The following NIPA2 variants were observed in gnomAD, a reference collection of about 807,000 sequenced individuals.
NIPA2 encodes magnesium transporter NIPA2.
In NIPA2, 11 loss-of-function variants were observed where a neutral mutation model predicts 29.7. The ratio of observed to expected loss-of-function variants is 0.37; its 90% confidence interval spans 0.23 to 0.61. The LOEUF (loss-of-function observed/expected upper bound fraction) is 0.61, where lower values mean the gene tolerates loss of function less well. NIPA2 is among the 20% of genes least tolerant of loss of function. NIPA2 has a pLI of 0.66. For missense variants in NIPA2, 426 were observed against 437.9 expected, an observed-to-expected ratio of 0.97 and a Z score of 0.24; for synonymous variants, 183 against 161.9, an observed-to-expected ratio of 1.13 and a Z score of -0.99.
intron 4 of NIPA2, among the ~76,000 whole-genome samples, chr15:22,852,361 G>A (rs181491065): frequency 1.1e-4 from 17 of 152,066 alleles, no homozygotes; most frequent in African/African-American, 4.1e-4. Flanking sequence ...AGCTACTCAG[G>A]AGGATGAGGC....
chr15:22,844,648 G>C (rs1361713909), intron 2 of NIPA2, among the ~76,000 whole-genome samples: 2 of 152,014 alleles, frequency 1.3e-5, no homozygotes, highest in Non-Finnish European at 2.9e-5. Flanking sequence ...CTGTTGATTT[G>C]AGCAGCTGAG....
rs1040047139 is a variant in NIPA2 at position 22,868,293 on chromosome 15, T to G, written c.*1446T>G. ...TTATATACTGTACCTACATCTGTGC[T>G]TTGTACATAAAAGAACCAGTTTTCT... On this transcript the variant is annotated 3_prime_UTR_variant, in exon 8 of 8. Transcript: ENST00000337451. The G allele has an allele frequency of 6.6e-6, 1 of 152,246 alleles. No homozygotes were observed. The highest frequency in any genetic ancestry group is 2.4e-5 in the African/African-American group (1 of 41,456). 9.4% of individuals were successfully genotyped at this position (152,246 alleles called of 1,614,324 possible).
At position 22,862,713 on chromosome 15, in the gene NIPA2, T is replaced by A. The variant is rs1003150778; in HGVS notation, c.448+1924T>A. On this transcript the variant is annotated intron_variant, in intron 7 of 7. Transcript: ENST00000337451. Reference sequence around the variant, plus strand: ...GTGTTTCTCTTTTGGCTTTTAGGCATTTTTTAATTGAATGCTGGATGTAGG... The same window carrying A: ...GTGTTTCTCTTTTGGCTTTTAGGCAATTTTTAATTGAATGCTGGATGTAGG... Among the ~76,000 whole-genome samples the A allele has an allele frequency of 2.8e-4, 42 of 152,106 alleles. 1 individual carries two copies. The highest frequency in any genetic ancestry group is 8.7e-4 in the African/African-American group (36 of 41,414).
rs561366047 is a variant in NIPA2, at chr15:22,868,076, A to T, written c.*1229A>T. The T allele has an allele frequency of 6.6e-6, 1 of 152,342 alleles. No homozygotes were observed. Among genetic ancestry groups the T allele is most frequent in the East Asian group, 1.9e-4 (1 of 5,188 alleles). The allele number at this position is 152,342 out of a possible 1,614,324, so 9.4% of individuals were successfully genotyped here. On this transcript the variant is annotated 3_prime_UTR_variant, in exon 8 of 8. Coordinates refer to ENST00000337451, the MANE Select transcript of NIPA2 (RefSeq NM_030922.7). ...CCTGGAGGTTACCCAGTGGTGCGCC[A>T]GCGCCAAGCCATCACTCCCCGAGGG...
rs372370777 is a variant in NIPA2, at chr15:22,866,563, C to T, written c.799C>T (p.Leu267Phe). 1.5e-5 allele frequency: 24 copies of T among 1,613,948 alleles called. No individual in the cohort carries two copies. Among genetic ancestry groups the T allele is most frequent in the Non-Finnish European group, 2.0e-5 (24 of 1,179,958 alleles). The change falls in exon 8 of 8, where the codon CTT becomes TTT. Residue 267 changes from leucine (L) to phenylalanine (F), a missense_variant. By Grantham distance (22) the Leu-to-Phe change is conservative. This residue lies in a region of NIPA2 where 357 missense variants were observed against 339.8 expected (regional missense o/e 1.05). Coordinates refer to ENST00000337451, the MANE Select transcript of NIPA2 (RefSeq NM_030922.7). ...ATCAGTTTTAACTTGTTCAGCTATT[C>T]TTTTTAAGGAGTGGCAAGATATGCC... is the stretch of plus-strand genomic sequence containing the variant. The part of the protein sequence containing the change: ...TTSVLTCSAI[L>F]FKEWQDMPVD...
chr15:22,863,716 C>T (rs992988085), intron 7 of NIPA2, among the ~76,000 whole-genome samples: 5 of 152,184 alleles, frequency 3.3e-5, no homozygotes, highest in Non-Finnish European at 7.3e-5. Flanking sequence ...CTTGTTTTTA[C>T]CTAGTCCCCT....
intron 5 of NIPA2, among the ~76,000 whole-genome samples, chr15:22,854,936 A>G (rs1352256300): frequency 2.6e-5 from 4 of 152,128 alleles, no homozygotes; most frequent in African/African-American, 9.7e-5. Context: ...CATTTTTAAA[A>G]TTTCTGCTCA....
chr15:22,852,626 C>T (rs923959390), intron 4 of NIPA2, among the ~76,000 whole-genome samples: 1 of 152,120 alleles, frequency 6.6e-6, no homozygotes, highest in African/African-American at 2.4e-5. Context: ...TGAACTTCGG[C>T]TGGTGTAGGT....
chr15:22,840,433 G>T (rs1896756870), intron 2 of NIPA2, among the ~76,000 whole-genome samples: 1 of 151,934 alleles, frequency 6.6e-6, no homozygotes, highest in Non-Finnish European at 1.5e-5. Flanking sequence ...GAGTAGCTGG[G>T]GTTACAGGCG....
chr15:22,839,083 G>C (rs1169437598), intron 1 of NIPA2, 162 bp downstream of exon 1: 1 of 152,188 alleles, frequency 6.6e-6, no homozygotes, highest in Admixed American at 6.5e-5. Flanking sequence ...ACCGTGAATC[G>C]GATTGCCGTT....
rs772665746 is a variant in NIPA2 at position 22,851,743 on chromosome 15, G to T, written c.12G>T (p.Gly4=). MSQ[G]RGKYDFYIGL... is the part of the protein sequence containing the mutation. ...AAGTAACAAACGAAATGAGCCAGGG[G>T]CGTGGAAAATATGACTTCTATATTG... The change falls in exon 4 of 8, where the codon GGG becomes GGT. Residue 4 remains glycine, a synonymous_variant. Transcript: ENST00000337451. 16 of 1,611,360 alleles carry T rather than the reference G, an allele frequency of 9.9e-6. No homozygotes were observed. In the East Asian group the frequency reaches 3.6e-4, roughly 36 times the overall value.
intron 5 of NIPA2, among the ~76,000 whole-genome samples, chr15:22,855,053 C>G (rs1272237293): frequency 6.6e-6 from 1 of 151,962 alleles, no homozygotes; most frequent in African/African-American, 2.4e-5. Context: ...ATAAGACTTA[C>G]CAAATAAAAA....
At chr15:22,863,084 T>TG (rs1555387889) in intron 7 of NIPA2, among the ~76,000 whole-genome samples, 9,750 of 141,004 alleles carry the variant, frequency 0.069, 633 homozygotes, top group East Asian at 0.42. Flanking sequence ...GTATTTTCTT[T>TG]GTTTTTTTTT....
intron 7 of NIPA2, among the ~76,000 whole-genome samples, chr15:22,865,427 AG>A (rs963687572): frequency 2.2e-4 from 33 of 151,836 alleles, no homozygotes; most frequent in African/African-American, 7.5e-4. Flanking sequence ...CGGAGCTTGC[AG>A]TGAGCCGAGA....
intron 3 of NIPA2, among the ~76,000 whole-genome samples, chr15:22,847,041 T>C (rs548281395): frequency 3.3e-5 from 5 of 151,602 alleles, no homozygotes; most frequent in African/African-American, 9.7e-5. Flanking sequence ...GTAGCTAAGA[T>C]TACAGGTATG....
intron 3 of NIPA2, among the ~76,000 whole-genome samples, chr15:22,849,623 G>A (rs1189636048): frequency 3.3e-5 from 5 of 151,228 alleles, no homozygotes; most frequent in African/African-American, 1.2e-4. Context: ...GCAGTGGCGC[G>A]ATCTCGGCTC....
chr15:22,842,386 T>C (rs918397157), intron 2 of NIPA2, among the ~76,000 whole-genome samples: 6 of 152,084 alleles, frequency 3.9e-5, no homozygotes, highest in Non-Finnish European at 8.8e-5. Context: ...GTGTGAAATA[T>C]GGTATGGGGA....
rs527262591 is a variant in NIPA2, at chr15:22,851,946, A to G, written c.139+76A>G. The stretch of plus-strand genomic sequence containing the variant: ...GCACAGGTTCTTTGTACAAGACCAC[A>G]TCTTCATTCCTCGTGAGTGTATTTG... On this transcript the variant is annotated intron_variant, in intron 4 of 7. Coordinates refer to ENST00000337451, the MANE Select transcript of NIPA2 (RefSeq NM_030922.7). 4.0e-6 allele frequency: 5 copies of G among 1,252,606 alleles called. No individual in the cohort carries two copies. The African/African-American group carries it at 7.6e-5, about 19-fold the overall frequency. The allele number at this position is 1,252,606 out of a possible 1,614,324, so 77.6% of individuals were successfully genotyped here. A position where few individuals can be genotyped will look rare whatever the true frequency, so the allele number is the denominator to read the frequency against.
intron 4 of NIPA2, among the ~76,000 whole-genome samples, chr15:22,852,498 GA>G: frequency 6.8e-6 from 1 of 146,984 alleles, no homozygotes; most frequent in South Asian, 2.2e-4. Context: ...GTTAAAATCA[GA>G]ATTTATTAAA....
Sources: gnomAD v4.1 joint callset for allele counts (sites outside exome capture counted in the v4.1 genomes callset) on GRCh38, gnomAD v4.1.1 for gene constraint, gnomAD v4.1.1 regional missense constraint, MANE v1.5 for transcripts, NCBI Gene and HGNC (gene_info 2026-07-23, HGNC 2026-07-21) for gene names.